The following SORCS3 variants were observed in gnomAD, a reference collection of about 807,000 sequenced individuals.
SORCS3 encodes VPS10 domain-containing receptor SorCS3.
SORCS3 carries 57 observed loss-of-function variants against 146.3 expected under a neutral mutation model. The observed-to-expected ratio is 0.39, with a 90% CI of 0.31 to 0.49. SORCS3 has a LOEUF of 0.49. Among genes scored for constraint, SORCS3 ranks in the 20% least tolerant of loss-of-function variants. The probability of loss-of-function intolerance (pLI) is 0.92; values close to 1 mark genes in which losing one functional copy is unlikely to be tolerated. For synonymous variants in SORCS3, 653 were observed against 618.5 expected (o/e 1.06, Z -0.83); for missense variants, 1,341 against 1,575.5 (o/e 0.85, Z 2.52).
intron 2 of SORCS3, among the ~76,000 whole-genome samples, chr10:104,845,437 A>C (rs1319150708): frequency 6.6e-6 from 1 of 152,244 alleles, no homozygotes; most frequent in Non-Finnish European, 1.5e-5. Flanking sequence ...TTAAGGATTA[A>C]GTGAAACAAA....
chr10:104,995,602 G>T (rs1017614771), intron 4 of SORCS3, among the ~76,000 whole-genome samples: 1 of 152,074 alleles, frequency 6.6e-6, no homozygotes, highest in Non-Finnish European at 1.5e-5. Context: ...ATTTTAAAAT[G>T]GGCAACTTGT....
intron 21 of SORCS3, among the ~76,000 whole-genome samples, chr10:105,246,878 T>C (rs1010078656): frequency 6.6e-6 from 1 of 152,178 alleles, no homozygotes; most frequent in African/African-American, 2.4e-5. Flanking sequence ...AAGTCCAAAT[T>C]GTTAATGCTT....
chr10:105,156,628 A>G (rs971492639), intron 9 of SORCS3, among the ~76,000 whole-genome samples: 10 of 152,202 alleles, frequency 6.6e-5, no homozygotes, highest in African/African-American at 2.4e-4. Flanking sequence ...CCAAAGTCAC[A>G]TAGTGAGCTA....
At chr10:105,217,401 A>G (rs1425493638) in intron 19 of SORCS3, among the ~76,000 whole-genome samples, 1 of 152,216 alleles carries the variant, frequency 6.6e-6, no homozygotes, top group Admixed American at 6.5e-5. Context: ...CATTCAGGTA[A>G]AAGTCTCCTC....
chr10:104,988,502 A>C (rs912870473), intron 4 of SORCS3, among the ~76,000 whole-genome samples: 1 of 152,154 alleles, frequency 6.6e-6, no homozygotes, highest in African/African-American at 2.4e-5. Context: ...ACAACAAGGC[A>C]GTTGTGTTTT....
chr10:104,789,209 C>G, intron 1 of SORCS3, among the ~76,000 whole-genome samples: 1 of 152,196 alleles, frequency 6.6e-6, no homozygotes, highest in Admixed American at 6.5e-5. Flanking sequence ...GTTCAAGGTC[C>G]AGGCTTCTAA....
At chr10:104,694,014 T>G (rs1240137219) in intron 1 of SORCS3, among the ~76,000 whole-genome samples, 1 of 151,976 alleles carries the variant, frequency 6.6e-6, no homozygotes, top group Admixed American at 6.6e-5. Context: ...GAGTACAGGT[T>G]TCTACGCAGG....
chr10:104,840,972 C>T (rs1385019941), intron 1 of SORCS3, among the ~76,000 whole-genome samples: 3 of 152,260 alleles, frequency 2.0e-5, no homozygotes, highest in East Asian at 3.9e-4. Context: ...CATAGCCTCC[C>T]ATGCTTTTAC....
intron 1 of SORCS3, among the ~76,000 whole-genome samples, chr10:104,836,578 A>C (rs1268837399): frequency 6.6e-6 from 1 of 152,156 alleles, no homozygotes; most frequent in East Asian, 1.9e-4. Flanking sequence ...CCTTATTGTC[A>C]CCTTATTTAT....
At chr10:104,790,312 T>C (rs1183670521) in intron 1 of SORCS3, among the ~76,000 whole-genome samples, 1 of 151,936 alleles carries the variant, frequency 6.6e-6, no homozygotes, top group African/African-American at 2.4e-5. Flanking sequence ...TTTCAGTAGA[T>C]GGAGAAGTAA....
rs199569872 is a variant in SORCS3 at position 105,157,127 on chromosome 10, T to C, written c.1483-11T>C. ...CCAGCATGGTTCTCCATCTCTCACC[T>C]TTTTTCCTAGGTAGCAGGTATCAAA... On this transcript the variant is annotated splice_polypyrimidine_tract_variant and intron_variant, in intron 9 of 26. Transcript: ENST00000369701. 3.2e-5 allele frequency: 52 copies of C among 1,611,572 alleles called. No individual in the cohort carries two copies. The East Asian group carries it at 1.1e-3, about 35-fold the overall frequency.
At chr10:104,803,226 A>G (rs552569675) in intron 1 of SORCS3, among the ~76,000 whole-genome samples, 55 of 152,242 alleles carry the variant, frequency 3.6e-4, no homozygotes, top group African/African-American at 1.3e-3. Flanking sequence ...CAAGGAAAGT[A>G]GAGAAGTCTG....
At chr10:105,096,853 A>T (rs1047377515) in intron 6 of SORCS3, among the ~76,000 whole-genome samples, 14 of 152,230 alleles carry the variant, frequency 9.2e-5, no homozygotes, top group African/African-American at 3.1e-4. Context: ...AATATTTATT[A>T]TACTATGAAT....
intron 2 of SORCS3, among the ~76,000 whole-genome samples, chr10:104,847,884 T>C (rs1274915452): frequency 2.0e-5 from 3 of 151,996 alleles, no homozygotes; most frequent in African/African-American, 7.3e-5. Context: ...GGATGCACCA[T>C]AATTGATTAT....
At chr10:105,251,011 T>G (rs1188549308) in intron 22 of SORCS3, among the ~76,000 whole-genome samples, 1 of 152,244 alleles carries the variant, frequency 6.6e-6, no homozygotes, top group African/African-American at 2.4e-5. Flanking sequence ...ATTTTTACTC[T>G]GTGTCAAGCA....
intron 6 of SORCS3, among the ~76,000 whole-genome samples, chr10:105,100,061 A>T (rs2055772721): frequency 6.6e-6 from 1 of 152,180 alleles, no homozygotes; most frequent in Non-Finnish European, 1.5e-5. Flanking sequence ...TGGTGAGAAG[A>T]CATGGATGCT....
At chr10:104,865,990 G>A (rs2018455561) in intron 2 of SORCS3, among the ~76,000 whole-genome samples, 1 of 152,222 alleles carries the variant, frequency 6.6e-6, no homozygotes, top group Non-Finnish European at 1.5e-5. Flanking sequence ...TTCGTCAGCT[G>A]TGGTTGATGT....
chr10:104,957,573 A>G (rs1589566081), intron 3 of SORCS3, among the ~76,000 whole-genome samples: 1 of 152,088 alleles, frequency 6.6e-6, no homozygotes, highest in Non-Finnish European at 1.5e-5. Flanking sequence ...ACACACACAC[A>G]CACACACTCA....
At chr10:105,056,934 T>C (rs1359482387) in intron 5 of SORCS3, among the ~76,000 whole-genome samples, 4 of 152,216 alleles carry the variant, frequency 2.6e-5, no homozygotes, top group Admixed American at 2.6e-4. Flanking sequence ...ATTTTACATC[T>C]TTTAAAAAAA....
Sources: gnomAD v4.1 joint callset for allele counts (sites outside exome capture counted in the v4.1 genomes callset) on GRCh38, gnomAD v4.1.1 for gene constraint, MANE v1.5 for transcripts, NCBI Gene and HGNC (gene_info 2026-07-23, HGNC 2026-07-21) for gene names.